UNC80: variants seen among roughly 807,000 people sequenced by gnomAD.
The protein encoded by UNC80 is protein unc-80 homolog.
UNC80 carries 164 observed loss-of-function variants against 384.6 expected under a neutral mutation model. That is an observed-to-expected ratio of 0.43 (90% confidence interval 0.38 to 0.49). UNC80 has a LOEUF of 0.49. Among genes scored for constraint, UNC80 ranks in the 20% least tolerant of loss-of-function variants. The pLI is 0.00. For missense variants in UNC80, 3,330 were observed against 4,143.0 expected (o/e 0.80, Z 5.39); for synonymous variants, 1,486 against 1,527.8 (o/e 0.97, Z 0.64).
intron 36 of UNC80, among the ~76,000 whole-genome samples, chr2:209,928,513 T>C (rs550664842): frequency 6.6e-6 from 1 of 152,156 alleles, no homozygotes; most frequent in Non-Finnish European, 1.5e-5. Flanking sequence ...ACTTAAGCAA[T>C]TAAAATAAAA....
In UNC80 at chr2:209,945,892, C is replaced by T; in HGVS notation, c.7235C>T (p.Ala2412Val). ...GATCTGACATTTTCTATCAGTGAAG[C>T]CATTAAGCTCTGTGTCACTGTGGTG... ...NEDLTFSISE[A>V]IKLCVTVVAY... Residue 2412 changes from alanine to valine, a missense_variant, in exon 47 of 65, where the codon GCC (alanine) becomes GTC (valine). Ala to Val is a moderately conservative substitution (Grantham distance 64). Transcript: ENST00000673920. 1 of 1,552,032 alleles carries T rather than the reference C, an allele frequency of 6.4e-7. No homozygotes were observed. Among genetic ancestry groups the T allele is most frequent in the Non-Finnish European group, 8.7e-7 (1 of 1,147,000 alleles).
At chr2:209,937,253 G>T (rs2091313227) in intron 41 of UNC80, among the ~76,000 whole-genome samples, 1 of 152,180 alleles carries the variant, frequency 6.6e-6, no homozygotes, top group African/African-American at 2.4e-5. Context: ...TATAATACCT[G>T]TGTGTGTCTA....
intron 48 of UNC80, 35 bp downstream of exon 48, chr2:209,954,305 A>G (rs1233609066): frequency 2.1e-6 from 3 of 1,407,626 alleles, no homozygotes; most frequent in Middle Eastern, 2.1e-4. Flanking sequence ...ACAGCCTTAC[A>G]TCATATGTTT....
intron 39 of UNC80, 37 bp from the exon 40 acceptor site, chr2:209,935,677 G>C (rs996737945): frequency 1.7e-6 from 2 of 1,178,766 alleles, no homozygotes; most frequent in African/African-American, 3.2e-5. Context: ...ATTTTCTATA[G>C]TAAAAGTCAG....
chr2:209,964,394 C>G (rs2125005808), intron 51 of UNC80, among the ~76,000 whole-genome samples: 2 of 152,284 alleles, frequency 1.3e-5, no homozygotes, highest in South Asian at 4.1e-4. Context: ...GATTTAACTT[C>G]CAATCGAATT....
rs1574928427 is a variant in UNC80, at chr2:209,896,397, A to G, written c.4565A>G (p.Asn1522Ser). ...GGCGCGGAGGAGAATTACCACAGAA[A>G]CATGTCGTGGCTTCATGTAAGTAGG... Reference protein sequence around the residue: ...NAGAEENYHRNMSWLHVMILL... With the variant: ...NAGAEENYHRSMSWLHVMILL... The change falls in exon 28 of 65, where the codon AAC becomes AGC. Residue 1522 changes from asparagine (N) to serine (S), a missense_variant. Physicochemically the swap from Asn to Ser is conservative, Grantham distance 46 (BLOSUM62 1). This residue lies in a region of UNC80 where 801 missense variants were observed against 950.8 expected (regional missense o/e 0.84). Coordinates refer to ENST00000673920, the MANE Select transcript of UNC80 (RefSeq NM_001371986.1). 6.4e-7 allele frequency: 1 copy of G among 1,551,502 alleles called. No individual in the cohort carries two copies. The highest frequency in any genetic ancestry group is 8.7e-7 in the Non-Finnish European group (1 of 1,146,868).
chr2:209,974,129 A>G, intron 56 of UNC80, among the ~76,000 whole-genome samples: 1 of 152,236 alleles, frequency 6.6e-6, no homozygotes, highest in South Asian at 2.1e-4. Flanking sequence ...ATATTTTTCA[A>G]TTCACCAAAG....
chr2:209,995,592 T>C lies in UNC80; in HGVS notation c.9972T>C (p.Val3324=), dbSNP rs1380458313. 1 of 1,551,922 alleles carries C rather than the reference T, an allele frequency of 6.4e-7. No individual in the cohort carries two copies. Among genetic ancestry groups the C allele is most frequent in the Non-Finnish European group, 8.7e-7 (1 of 1,146,986 alleles). The part of the protein sequence containing the change: ...KTDAVLDESH[V] Reference sequence around the variant, plus strand: ...ATGCAGTATTAGATGAGTCTCATGTTTAATTCTGTATCTTGTAAGCTCTGC... The same window carrying C: ...ATGCAGTATTAGATGAGTCTCATGTCTAATTCTGTATCTTGTAAGCTCTGC... Residue 3324 remains valine, a synonymous_variant, in exon 65 of 65, where the codon GTT becomes GTC. Coordinates refer to ENST00000673920, the MANE Select transcript of UNC80 (RefSeq NM_001371986.1).
rs974783706 is a variant in UNC80 at position 209,896,374 on chromosome 2, C to T, written c.4542C>T (p.Gly1514=). The stretch of plus-strand genomic sequence containing the variant: ...AGCCAGAGGGAATGAGTAATGCCGG[C>T]GCGGAGGAGAATTACCACAGAAACA... The part of the protein sequence containing the change: ...SIEPEGMSNA[G]AEENYHRNMS... Residue 1514 remains glycine, a synonymous_variant, in exon 28 of 65, where the codon GGC becomes GGT. Transcript: ENST00000673920. The T allele has an allele frequency of 1.3e-5, 20 of 1,551,470 alleles. No individual in the cohort carries two copies. Among genetic ancestry groups the T allele is most frequent in the Admixed American group, 2.0e-5 (1 of 50,968 alleles).
At chr2:209,915,900 AAAT>A (rs2089482591) in intron 31 of UNC80, among the ~76,000 whole-genome samples, 1 of 152,196 alleles carries the variant, frequency 6.6e-6, no homozygotes. Context: ...CAACACATGG[AAAT>A]AATAAGTACT....
At chr2:209,781,885 A>G (rs1400391433) in intron 4 of UNC80, among the ~76,000 whole-genome samples, 1 of 152,180 alleles carries the variant, frequency 6.6e-6, no homozygotes, top group African/African-American at 2.4e-5. Context: ...CCCCGTCCCT[A>G]GATTCTATAT....
In UNC80 at chr2:209,777,460, T is replaced by A. The variant is rs770850965; in HGVS notation, c.501T>A (p.Asn167Lys). ...GGCAGCCTTGCCAAAGCAGCTCTAA[T>A]GACGAAGAAGAGAACAACCGAAGAA... is the stretch of plus-strand genomic sequence containing the variant. ...SPGQPCQSSS[N>K]DEEENNRRKI... The change falls in exon 4 of 65, where the codon AAT (asparagine) becomes AAA (lysine). Residue 167 changes from asparagine (N) to lysine (K), a missense_variant. Around this residue, in one of 8 missense-constraint regions of UNC80, gnomAD observed 937 missense variants for 1,026.8 expected, o/e 0.91. Coordinates refer to ENST00000673920, the MANE Select transcript of UNC80 (RefSeq NM_001371986.1). 9.3e-6 allele frequency: 15 copies of A among 1,614,074 alleles called. 1 individual carries two copies. The South Asian group carries it at 1.4e-4, about 15-fold the overall frequency.
In UNC80 at chr2:209,999,133, C is replaced by T. The variant is rs1297318534; in HGVS notation, c.*3538C>T. 1 of 152,054 alleles carries T rather than the reference C, an allele frequency of 6.6e-6. No individual in the cohort carries two copies. Among genetic ancestry groups the T allele is most frequent in the Non-Finnish European group, 1.5e-5 (1 of 68,014 alleles). The allele number at this position is 152,054 out of a possible 1,614,324, so 9.4% of individuals were successfully genotyped here. A position where few individuals can be genotyped will look rare whatever the true frequency, so the allele number is the denominator to read the frequency against. ...AAAATTGACTACACAGCCGACTTCCCTCAGATAACTATGAAGTCTATTATG... is the reference window on the plus strand; with the variant it reads ...AAAATTGACTACACAGCCGACTTCCTTCAGATAACTATGAAGTCTATTATG... On this transcript the variant is annotated 3_prime_UTR_variant, in exon 65 of 65. Transcript: ENST00000673920.
intron 7 of UNC80, chr2:209,795,318 G>A (rs2078085125): frequency 6.5e-6 from 1 of 153,524 alleles, no homozygotes; most frequent in South Asian, 2.1e-4. Context: ...CATTCAAGAG[G>A]TGACTTGGGT....
At chr2:209,783,698 C>G (rs577234589) in intron 4 of UNC80, among the ~76,000 whole-genome samples, 1 of 152,182 alleles carries the variant, frequency 6.6e-6, no homozygotes, top group African/African-American at 2.4e-5. Flanking sequence ...TAAGAGAGAT[C>G]ACTCCCTGCT....
At chr2:209,847,226 C>T (rs1476998031) in intron 21 of UNC80, among the ~76,000 whole-genome samples, 1 of 151,968 alleles carries the variant, frequency 6.6e-6, no homozygotes, top group East Asian at 1.9e-4. Context: ...CAGACCCATA[C>T]ACCCCAAAAA....
rs145587628 is a variant in UNC80, at chr2:209,872,083, A to T, written c.3628-675A>T. 2.0e-5 allele frequency among the ~76,000 whole-genome samples: 3 copies of T among 152,150 alleles called. No individual in the cohort carries two copies. The East Asian group carries it at 5.8e-4, about 30-fold the overall frequency. ...AGTGGCGCGATCTCAGCTAACTGCA[A>T]CTTACACCTCCCAGGTTCAAGCCTC... On this transcript the variant is annotated intron_variant, in intron 22 of 64. Coordinates refer to ENST00000673920, the MANE Select transcript of UNC80 (RefSeq NM_001371986.1). The surrounding 1 kb of genome is among the most constrained non-coding windows in gnomAD (Gnocchi z 4.1).
chr2:209,809,283 G>A lies in UNC80; in HGVS notation c.939-4297G>A, dbSNP rs899548651. ...ACTGCAATAAGGAATGCCTCAGCCT[G>A]GGTGCCCTCAAGAAACACATCCGAA... On this transcript the variant is annotated intron_variant, in intron 7 of 64. Coordinates refer to ENST00000673920, the MANE Select transcript of UNC80 (RefSeq NM_001371986.1). 13 of 749,618 alleles carry A rather than the reference G, an allele frequency of 1.7e-5. No individual in the cohort carries two copies. In the African/African-American group the frequency reaches 2.1e-4, roughly 12 times the overall value. 46.4% of individuals were successfully genotyped at this position (749,618 alleles called of 1,614,324 possible). A position where few individuals can be genotyped will look rare whatever the true frequency, so the allele number is the denominator to read the frequency against.
chr2:209,895,527 T>TA (rs771244211), intron 27 of UNC80, among the ~76,000 whole-genome samples: 11 of 152,226 alleles, frequency 7.2e-5, no homozygotes, highest in Non-Finnish European at 1.0e-4. Flanking sequence ...CTTCTTTTTT[T>TA]ACAAGTCTGA....
Sources: gnomAD v4.1 joint callset for allele counts (sites outside exome capture counted in the v4.1 genomes callset) on GRCh38, gnomAD v4.1.1 for gene constraint, gnomAD v4.1.1 regional missense constraint, Gnocchi (gnomAD v3.1) non-coding constraint, MANE v1.5 for transcripts, NCBI Gene and HGNC (gene_info 2026-07-23, HGNC 2026-07-21) for gene names.